The following PPARA variants were observed in gnomAD, a reference collection of about 807,000 sequenced individuals.
PPARA encodes the protein peroxisome proliferator-activated receptor alpha.
Under a neutral mutation model 42.2 loss-of-function variants are expected in PPARA, and 22 were observed. The ratio of observed to expected loss-of-function variants is 0.52; its 90% CI spans 0.37 to 0.74. The LOEUF (loss-of-function observed/expected upper bound fraction) is 0.74, where lower values mean the gene tolerates loss of function less well. PPARA is among the 30% of genes least tolerant of loss of function. PPARA has a pLI of 0.00. For synonymous variants in PPARA, 242 were observed against 239.3 expected (o/e 1.01, Z -0.10); for missense variants, 465 against 608.2 (o/e 0.76, Z 2.48).
chr22:46,169,323 CT>C (rs1927610144), intron 2 of PPARA, among the ~76,000 whole-genome samples: 1 of 151,974 alleles, frequency 6.6e-6, no homozygotes, highest in Non-Finnish European at 1.5e-5. Flanking sequence ...CAAGCTCCGC[CT>C]CCCGGGTTCA....
chr22:46,170,948 G>A (rs1057475602), intron 2 of PPARA, among the ~76,000 whole-genome samples: 1 of 151,750 alleles, frequency 6.6e-6, no homozygotes, highest in Admixed American at 6.6e-5. Context: ...ATCACCTGAG[G>A]TCAGGAGTTC....
At chr22:46,198,747 A>G (rs552165141) in intron 4 of PPARA, among the ~76,000 whole-genome samples, 156 bp downstream of exon 4, 244 of 131,924 alleles carry the variant, frequency 1.8e-3, no homozygotes, top group African/African-American at 6.6e-3. Flanking sequence ...TGCAGGCTCC[A>G]CCTCCTGGGT....
rs375884799 is a variant in PPARA, at chr22:46,185,676, C to A, written c.-43+8840C>A. Among the ~76,000 whole-genome samples the A allele has an allele frequency of 1.6e-3, 247 of 151,278 alleles. 2 individuals carry two copies. Among genetic ancestry groups the A allele is most frequent in the African/African-American group, 5.7e-3 (236 of 41,220 alleles). ...TTGGGAGGCTGAGGCAGGTGGATCA[C>A]CTGAGGTCAGGAGTTCAAGACCAGC... is the stretch of plus-strand genomic sequence containing the variant. On this transcript the variant is annotated intron_variant, in intron 3 of 8. Transcript: ENST00000407236.
chr22:46,183,170 A>G lies in PPARA; in HGVS notation c.-43+6334A>G, dbSNP rs1930208209. 6.6e-6 allele frequency among the ~76,000 whole-genome samples: 1 copy of G among 152,248 alleles called. No homozygotes were observed. The highest frequency in any genetic ancestry group is 1.5e-5 in the Non-Finnish European group (1 of 68,044). ...CCCCAATGTGGCGGTGCTTACAGAA[A>G]TGACTCCATCTGCTAAATGAGTAAA... On this transcript the variant is annotated intron_variant, in intron 3 of 8. Transcript: ENST00000407236. This position sits in a 1 kb window ranked among gnomAD's most constrained non-coding sequence, Gnocchi z 5.5.
At position 46,196,037 on chromosome 22, in the gene PPARA, C is replaced by T. The variant is rs542845377; in HGVS notation, c.-42-2305C>T. Among the ~76,000 whole-genome samples the T allele has an allele frequency of 9.2e-5, 14 of 152,262 alleles. No individual in the cohort carries two copies. Among genetic ancestry groups the T allele is most frequent in the African/African-American group, 3.1e-4 (13 of 41,564 alleles). On this transcript the variant is annotated intron_variant, in intron 3 of 8. Coordinates refer to ENST00000407236, the MANE Select transcript of PPARA (RefSeq NM_005036.6). The surrounding 1 kb of genome is among the most constrained non-coding windows in gnomAD (Gnocchi z 5.6). ...GTGGAATCCTGAAAGCAATTCTCAG[C>T]GCTGCTGCGTTTCCAGGAGGTAGAA...
At chr22:46,201,173 A>G (rs1013179000) in intron 4 of PPARA, among the ~76,000 whole-genome samples, 2 of 151,084 alleles carry the variant, frequency 1.3e-5, no homozygotes, top group Non-Finnish European at 2.9e-5. Flanking sequence ...TCATACAGCC[A>G]GAAAGACACA....
rs900648279 is a variant in PPARA, at chr22:46,160,978, A to G, written c.-127+9008A>G. Among the ~76,000 whole-genome samples, 2 of 152,194 alleles carry G rather than the reference A, an allele frequency of 1.3e-5. No individual in the cohort carries two copies. The highest frequency in any genetic ancestry group is 1.3e-4 in the Admixed American group (2 of 15,276). ...TTCCCTTTACTTAGATGAATCTAGC[A>G]AGGTTGGCTGTTAGTGTCTAGGTCA... On this transcript the variant is annotated intron_variant, in intron 2 of 8. Transcript: ENST00000407236. The surrounding 1 kb of genome is among the most constrained non-coding windows in gnomAD (Gnocchi z 4.5).
chr22:46,224,328 G>C lies in PPARA; in HGVS notation c.711+4314G>C, dbSNP rs943628924. 1.3e-5 allele frequency among the ~76,000 whole-genome samples: 2 copies of C among 152,214 alleles called. No individual in the cohort carries two copies. Among genetic ancestry groups the C allele is most frequent in the African/African-American group, 4.8e-5 (2 of 41,458 alleles). On this transcript the variant is annotated intron_variant, in intron 7 of 8. Coordinates refer to ENST00000407236, the MANE Select transcript of PPARA (RefSeq NM_005036.6). This position sits in a 1 kb window ranked among gnomAD's most constrained non-coding sequence, Gnocchi z 5.7. ...TGGGAAAAGGCCCCGTTGGCAGGAT[G>C]CCCACCACCAGGCCACACTGCCTGA...
rs17661656 is a variant in PPARA at position 46,192,381 on chromosome 22, C to G, written c.-42-5961C>G. Among the ~76,000 whole-genome samples the G allele has an allele frequency of 0.024, 3,641 of 152,316 alleles. 68 individuals are homozygous for G. Among genetic ancestry groups the G allele is most frequent in the South Asian group, 0.045 (219 of 4,828 alleles). On this transcript the variant is annotated intron_variant, in intron 3 of 8. Coordinates refer to ENST00000407236, the MANE Select transcript of PPARA (RefSeq NM_005036.6). The surrounding 1 kb of genome is among the most constrained non-coding windows in gnomAD (Gnocchi z 4.3). ...AAGAGCAGGTGATGCAGAAAATACC[C>G]TCGTGTTAGTTATGAATTACCGTTG...
Position 46,198,419 on chromosome 22 carries a change from C to G in PPARA, c.36C>G (p.Ser12=). The G allele has an allele frequency of 6.2e-7, 1 of 1,613,894 alleles. No individual in the cohort carries two copies. The highest frequency in any genetic ancestry group is 8.5e-7 in the Non-Finnish European group (1 of 1,179,942). ...CGGAAAGCCCACTCTGCCCCCTCTC[C>G]CCACTCGAGGCCGGCGATCTAGAGA... ...VDTESPLCPL[S]PLEAGDLESP... Residue 12 remains serine, a synonymous_variant, in exon 4 of 9, where the codon TCC becomes TCG. Coordinates refer to ENST00000407236, the MANE Select transcript of PPARA (RefSeq NM_005036.6).
In PPARA at chr22:46,242,919, A is replaced by T. The variant is rs1936415357; in HGVS notation, c.*7539A>T. On this transcript the variant is annotated 3_prime_UTR_variant, in exon 9 of 9. Transcript: ENST00000407236. This position sits in a 1 kb window ranked among gnomAD's most constrained non-coding sequence, Gnocchi z 6.1. ...GTATTAGAGGCCACCGATTTCATAC[A>T]ACAGTGTTTCGCTAAAGACCCTTCA... is the stretch of plus-strand genomic sequence containing the variant. The T allele has an allele frequency of 6.5e-6, 1 of 152,682 alleles. No individual in the cohort carries two copies. The allele number at this position is 152,682 out of a possible 1,614,324, so 9.5% of individuals were successfully genotyped here.
chr22:46,233,673 A>G lies in PPARA; in HGVS notation c.1159+1434A>G, dbSNP rs188661572. 8.9e-4 allele frequency among the ~76,000 whole-genome samples: 135 copies of G among 152,354 alleles called. No homozygotes were observed. The highest frequency in any genetic ancestry group is 3.2e-3 in the African/African-American group (134 of 41,588). On this transcript the variant is annotated intron_variant, in intron 8 of 8. Transcript: ENST00000407236. This position sits in a 1 kb window ranked among gnomAD's most constrained non-coding sequence, Gnocchi z 7.3. ...GTGGGTAAAATGCAGTTGCAGAACTATTTATATGTAGCATGATCACAGTTT... is the reference window on the plus strand; with the variant it reads ...GTGGGTAAAATGCAGTTGCAGAACTGTTTATATGTAGCATGATCACAGTTT...
intron 3 of PPARA, among the ~76,000 whole-genome samples, chr22:46,179,714 T>C (rs1445988185): frequency 6.6e-6 from 1 of 151,730 alleles, no homozygotes. Flanking sequence ...AATCAATAAA[T>C]TGAACTTCAT....
At chr22:46,177,407 T>C (rs1351186501) in intron 3 of PPARA, among the ~76,000 whole-genome samples, 1 of 145,596 alleles carries the variant, frequency 6.9e-6, no homozygotes, top group Admixed American at 7.2e-5. Flanking sequence ...GAGGTTGCAG[T>C]GAGCTGAGAC....
rs1026173846 is a variant in PPARA, at chr22:46,224,640, T to C, written c.711+4626T>C. 6.6e-6 allele frequency among the ~76,000 whole-genome samples: 1 copy of C among 152,112 alleles called. No individual in the cohort carries two copies. The highest frequency in any genetic ancestry group is 1.5e-5 in the Non-Finnish European group (1 of 68,026). ...GGCTGACTTCATTTCTGTTTGGGGA[T>C]GAGAGGCGGCACAGTAAACTGTCCA... On this transcript the variant is annotated intron_variant, in intron 7 of 8. Coordinates refer to ENST00000407236, the MANE Select transcript of PPARA (RefSeq NM_005036.6). The surrounding 1 kb of genome is among the most constrained non-coding windows in gnomAD (Gnocchi z 5.7).
At position 46,231,365 on chromosome 22, in the gene PPARA, C is replaced by T. The variant is rs1656999173; in HGVS notation, c.712-427C>T. On this transcript the variant is annotated intron_variant, in intron 7 of 8. Transcript: ENST00000407236. This position sits in a 1 kb window ranked among gnomAD's most constrained non-coding sequence, Gnocchi z 7.7. ...TCCCGAGTAGCTGGGACTACAGGCGCCCGCCACCACACCCAGCTAATTTTT... is the reference window on the plus strand; with the variant it reads ...TCCCGAGTAGCTGGGACTACAGGCGTCCGCCACCACACCCAGCTAATTTTT... Among the ~76,000 whole-genome samples, 1 of 152,090 alleles carries T rather than the reference C, an allele frequency of 6.6e-6. No homozygotes were observed. Among genetic ancestry groups the T allele is most frequent in the African/African-American group, 2.4e-5 (1 of 41,410 alleles).
chr22:46,197,941 AAAAC>A (rs796255456), intron 3 of PPARA, among the ~76,000 whole-genome samples: 46 of 150,490 alleles, frequency 3.1e-4, no homozygotes, highest in African/African-American at 1.1e-3. Context: ...ATTTAAAATT[AAAAC>A]AAACAGCCGG....
Position 46,150,801 on chromosome 22 carries a change from C to A in PPARA, c.-210+149C>A, listed in dbSNP as rs531256864. ...GCGGGGCCCGGGGTCTCGGGGTCTCCGGGTCCCGGGGACCCGGGGGCCCGG... is the reference window on the plus strand; with the variant it reads ...GCGGGGCCCGGGGTCTCGGGGTCTCAGGGTCCCGGGGACCCGGGGGCCCGG... On this transcript the variant is annotated intron_variant, in intron 1 of 8. Coordinates refer to ENST00000407236, the MANE Select transcript of PPARA (RefSeq NM_005036.6). The surrounding 1 kb of genome is among the most constrained non-coding windows in gnomAD (Gnocchi z 7.5). The A allele has an allele frequency of 6.7e-6, 1 of 150,362 alleles. No homozygotes were observed. The highest frequency in any genetic ancestry group is 2.0e-4 in the East Asian group (1 of 5,030). 9.3% of individuals were successfully genotyped at this position (150,362 alleles called of 1,614,324 possible). A position where few individuals can be genotyped will look rare whatever the true frequency, so the allele number is the denominator to read the frequency against.
chr22:46,186,054 G>T (rs896313575), intron 3 of PPARA, among the ~76,000 whole-genome samples: 5 of 144,090 alleles, frequency 3.5e-5, no homozygotes, highest in African/African-American at 1.3e-4. Context: ...AGCAAATTTT[G>T]ACTTCCCTGA....
Sources: allele counts gnomAD v4.1 joint callset (sites outside exome capture counted in the v4.1 genomes callset), GRCh38; gene constraint gnomAD v4.1.1; non-coding constraint Gnocchi (gnomAD v3.1); transcripts MANE v1.5; gene names NCBI Gene and HGNC (gene_info 2026-07-23, HGNC 2026-07-21).